PDE8A: variants seen among roughly 807,000 people sequenced by gnomAD.
PDE8A encodes the protein phosphodiesterase 8A, also known as high affinity cAMP-specific and IBMX-insensitive 3',5'-cyclic phosphodiesterase 8A.
Under a neutral mutation model 105.0 loss-of-function variants are expected in PDE8A, and 59 were observed. That is an observed-to-expected ratio of 0.56 (90% CI 0.46 to 0.70). PDE8A has a LOEUF of 0.70. Ranked by LOEUF, PDE8A falls within the 30% of genes least tolerant of loss-of-function variation. PDE8A has a pLI of 0.00. For synonymous variants in PDE8A, 355 were observed against 371.9 expected (o/e 0.95, Z 0.52); for missense variants, 1,014 against 1,045.9 (o/e 0.97, Z 0.42).
intron 1 of PDE8A, among the ~76,000 whole-genome samples, chr15:84,998,708 C>T (rs1458113042): frequency 1.3e-5 from 2 of 151,992 alleles, no homozygotes; most frequent in African/African-American, 4.8e-5. Context: ...CCTTTTTTCT[C>T]CCCAAATCAT....
chr15:85,066,652 A>C (rs1261744353), intron 2 of PDE8A, among the ~76,000 whole-genome samples: 1 of 146,548 alleles, frequency 6.8e-6, no homozygotes, highest in Non-Finnish European at 1.5e-5. Flanking sequence ...AGAAATGACG[A>C]TTCTGACCAG....
intron 1 of PDE8A, among the ~76,000 whole-genome samples, chr15:85,012,744 C>T (rs1020372874): frequency 6.6e-6 from 1 of 151,730 alleles, no homozygotes; most frequent in African/African-American, 2.4e-5. Flanking sequence ...TTTTAACATA[C>T]AGTATTGTTA....
intron 7 of PDE8A, chr15:85,090,664 C>T (rs1373317273): frequency 3.1e-5 from 12 of 386,470 alleles, no homozygotes; most frequent in Non-Finnish European, 5.9e-5. Context: ...GTGTTTTGCA[C>T]TCTACCTGGT....
chr15:85,002,685 A>G (rs79179383), intron 1 of PDE8A, among the ~76,000 whole-genome samples: 2,390 of 152,286 alleles, frequency 0.016, 28 homozygotes, highest in Non-Finnish European at 0.027. Context: ...TGGGGGAGGT[A>G]TGCTGAAAAT....
At chr15:85,092,692 C>A (rs1451743657) in intron 8 of PDE8A, among the ~76,000 whole-genome samples, 1 of 152,040 alleles carries the variant, frequency 6.6e-6, no homozygotes, top group Non-Finnish European at 1.5e-5. Flanking sequence ...ATTCCATGTC[C>A]CTCTCACTGA....
chr15:85,045,355 A>G (rs953112118), intron 1 of PDE8A, among the ~76,000 whole-genome samples: 1 of 152,252 alleles, frequency 6.6e-6, no homozygotes, highest in African/African-American at 2.4e-5. Context: ...AGCTAGATAC[A>G]GATTACGGCC....
At chr15:85,041,259 C>T (rs1321095928) in intron 1 of PDE8A, among the ~76,000 whole-genome samples, 2 of 152,258 alleles carry the variant, frequency 1.3e-5, no homozygotes, top group Non-Finnish European at 2.9e-5. Flanking sequence ...TACAGCATGA[C>T]TGAAACTTAG....
chr15:85,027,661 A>C (rs1294988480), intron 1 of PDE8A, among the ~76,000 whole-genome samples: 3 of 152,258 alleles, frequency 2.0e-5, no homozygotes, highest in African/African-American at 7.2e-5. Context: ...TAGTGCGATT[A>C]AATGGTAAAT....
intron 1 of PDE8A, among the ~76,000 whole-genome samples, chr15:85,006,358 A>G (rs1307155535): frequency 6.6e-6 from 1 of 152,172 alleles, no homozygotes; most frequent in African/African-American, 2.4e-5. Context: ...GTGGTGGTGA[A>G]TGTCTCTCAG....
chr15:84,981,194 C>T (rs2079701090), upstream of PDE8A, among the ~76,000 whole-genome samples: 1 of 152,216 alleles, frequency 6.6e-6, no homozygotes, highest in Admixed American at 6.5e-5. Context: ...TGTCCCTGGG[C>T]AAGTCTCTTT....
chr15:85,081,728 A>C (rs1451808073), intron 5 of PDE8A, among the ~76,000 whole-genome samples: 1 of 152,172 alleles, frequency 6.6e-6, no homozygotes, highest in Admixed American at 6.5e-5. Flanking sequence ...AGATAAAGAG[A>C]ACAGTGTTTA....
chr15:85,034,509 G>A (rs570560458), intron 1 of PDE8A, among the ~76,000 whole-genome samples: 1 of 152,182 alleles, frequency 6.6e-6, no homozygotes, highest in South Asian at 2.1e-4. Flanking sequence ...GGGAGGAGAG[G>A]GGAAAGAAGA....
rs1024537948 is a variant in PDE8A, at chr15:85,047,474, C to G, written c.187-16896C>G. On this transcript the variant is annotated intron_variant, in intron 1 of 21. Coordinates refer to ENST00000394553, the MANE Select transcript of PDE8A (RefSeq NM_002605.3). ...GAGGTCCTGAGAGCCGGATATACCC[C>G]GTAGACAGGATGTAAGGTTAAATGC... is the stretch of plus-strand genomic sequence containing the variant. Among the ~76,000 whole-genome samples, 20 of 152,048 alleles carry G rather than the reference C, an allele frequency of 1.3e-4. No homozygotes were observed. The East Asian group carries it at 3.9e-3, about 29-fold the overall frequency.
chr15:85,060,530 TA>T (rs1206265561), intron 1 of PDE8A, among the ~76,000 whole-genome samples: 73 of 152,232 alleles, frequency 4.8e-4, no homozygotes, highest in African/African-American at 1.7e-3. Context: ...AGAGACAATT[TA>T]AAGCGTAGAG....
At chr15:85,045,967 G>A (rs537045797) in intron 1 of PDE8A, among the ~76,000 whole-genome samples, 1 of 151,008 alleles carries the variant, frequency 6.6e-6, no homozygotes, top group South Asian at 2.1e-4. Flanking sequence ...ATAACTTTCT[G>A]TTTCTAATAA....
chr15:85,016,441 C>T (rs1451601941), intron 1 of PDE8A, among the ~76,000 whole-genome samples: 1 of 152,068 alleles, frequency 6.6e-6, no homozygotes, highest in Non-Finnish European at 1.5e-5. Flanking sequence ...TTGTTCATTC[C>T]CCCACACTAA....
chr15:85,098,136 C>A, intron 9 of PDE8A, 100 bp downstream of exon 9: 1 of 743,974 alleles, frequency 1.3e-6, no homozygotes, highest in South Asian at 1.5e-5. Flanking sequence ...ACAGAAGTGT[C>A]AAGGTCAGGT....
chr15:85,039,301 T>C (rs901042033), intron 1 of PDE8A, among the ~76,000 whole-genome samples: 3 of 151,860 alleles, frequency 2.0e-5, no homozygotes, highest in Non-Finnish European at 4.4e-5. Flanking sequence ...TAGTGGCACA[T>C]GCCTGTAGTC....
At chr15:85,056,166 G>A (rs2099118144) in intron 1 of PDE8A, among the ~76,000 whole-genome samples, 1 of 152,166 alleles carries the variant, frequency 6.6e-6, no homozygotes, top group Non-Finnish European at 1.5e-5. Flanking sequence ...TAGAGTTTCT[G>A]CTGAGATATC....
Sources: allele counts gnomAD v4.1 joint callset (sites outside exome capture counted in the v4.1 genomes callset), GRCh38; gene constraint gnomAD v4.1.1; transcripts MANE v1.5; gene names NCBI Gene and HGNC (gene_info 2026-07-23, HGNC 2026-07-21).